The following KIF21A variants were observed in gnomAD, a reference collection of about 807,000 sequenced individuals.
KIF21A encodes the protein kinesin-like protein KIF21A.
A neutral mutation model predicts 202.9 loss-of-function variants in KIF21A; 114 were observed. The observed-to-expected ratio is 0.56, with a 90% confidence interval of 0.48 to 0.66. KIF21A has a LOEUF of 0.66. Ranked by LOEUF, KIF21A falls within the 30% of genes least tolerant of loss-of-function variation. The probability of loss-of-function intolerance (pLI) is 0.00; values close to 1 mark genes in which losing one functional copy is unlikely to be tolerated. For missense variants in KIF21A, 1,677 were observed against 1,994.9 expected, an observed-to-expected ratio of 0.84 and a Z score of 3.04; for synonymous variants, 667 against 670.8, an observed-to-expected ratio of 0.99 and a Z score of 0.09.
At chr12:39,301,811 T>G (rs1376932014) in intron 36 of KIF21A, 132 bp from the exon 37 acceptor site, 3 of 784,488 alleles carry the variant, frequency 3.8e-6, no homozygotes, top group Non-Finnish European at 6.4e-6. Context: ...GTTTATTTTC[T>G]ATGCAATCAC....
At chr12:39,345,140 T>C (rs542192320) in intron 12 of KIF21A, among the ~76,000 whole-genome samples, 2 of 152,316 alleles carry the variant, frequency 1.3e-5, no homozygotes, top group Admixed American at 1.3e-4. Flanking sequence ...GAGAAGTTGT[T>C]CTGTAACCAC....
At chr12:39,436,449 T>TATATATATATA (rs1491365902) in intron 1 of KIF21A, among the ~76,000 whole-genome samples, 38 of 86,816 alleles carry the variant, frequency 4.4e-4, no homozygotes, top group African/African-American at 2.0e-3. Context: ...TATATATATA[T>TATATATATATA]TTTTTTTTTT....
At chr12:39,418,469 T>G (rs748211253) in intron 1 of KIF21A, among the ~76,000 whole-genome samples, 1 of 152,220 alleles carries the variant, frequency 6.6e-6, no homozygotes, top group Non-Finnish European at 1.5e-5. Flanking sequence ...TTCCTAGAAT[T>G]TTCTGAGTTC....
At chr12:39,355,531 T>G (rs1948703009) in intron 10 of KIF21A, among the ~76,000 whole-genome samples, 2 of 147,992 alleles carry the variant, frequency 1.4e-5, no homozygotes, top group African/African-American at 5.0e-5. Flanking sequence ...TCTCAAGGAG[T>G]GGTAAAGATG....
At chr12:39,375,309 G>T (rs967785478) in intron 1 of KIF21A, among the ~76,000 whole-genome samples, 1 of 152,124 alleles carries the variant, frequency 6.6e-6, no homozygotes, top group Admixed American at 6.5e-5. Context: ...GCAAAACTGA[G>T]TTTATACATT....
At chr12:39,398,389 C>T (rs1284716291) in intron 1 of KIF21A, among the ~76,000 whole-genome samples, 1 of 152,122 alleles carries the variant, frequency 6.6e-6, no homozygotes, top group Non-Finnish European at 1.5e-5. Context: ...CACTTGAGCT[C>T]AGGAGTTTGA....
intron 1 of KIF21A, among the ~76,000 whole-genome samples, chr12:39,433,725 G>A (rs886251381): frequency 1.3e-5 from 2 of 152,052 alleles, no homozygotes; most frequent in African/African-American, 4.8e-5. Context: ...GAAAAAGAAA[G>A]AATAAAAATA....
rs1305521189 is a variant in KIF21A at position 39,331,787 on chromosome 12, T to C, written c.3056A>G (p.Glu1019Gly). The C allele has an allele frequency of 6.2e-7, 1 of 1,608,064 alleles. No individual in the cohort carries two copies. Residue 1019 changes from glutamate to glycine, a missense_variant, in exon 22 of 38, where the codon GAA becomes GGA. Transcript: ENST00000361418. The part of the protein sequence containing the change: ...NIMQMEEAKE[E>G]GETLDVTAVI... ...TGCAGTAACATCCAATGTCTCACCT[T>C]CTTCCTGTATAAAATCAGCATAATA...
At chr12:39,396,866 T>A (rs2139769298) in intron 1 of KIF21A, among the ~76,000 whole-genome samples, 1 of 152,282 alleles carries the variant, frequency 6.6e-6, no homozygotes, top group Non-Finnish European at 1.5e-5. Context: ...CCAACACTGC[T>A]CTGCAATAAA....
intron 1 of KIF21A, among the ~76,000 whole-genome samples, chr12:39,436,448 A>ATATATATATATATATATATTT (rs1387332677): frequency 2.1e-4 from 20 of 95,744 alleles, no homozygotes; most frequent in African/African-American, 9.1e-4. Context: ...ATATATATAT[A>ATATATATATATATATATATTT]TTTTTTTTTT....
At chr12:39,307,992 C>G (rs894074184) in intron 33 of KIF21A, among the ~76,000 whole-genome samples, 4 of 151,914 alleles carry the variant, frequency 2.6e-5, no homozygotes, top group African/African-American at 9.7e-5. Context: ...ACTTGGTATA[C>G]TAGTAATTCC....
In KIF21A at chr12:39,367,212, T is replaced by C. The variant is rs189843858; in HGVS notation, c.601-48A>G. The stretch of plus-strand genomic sequence containing the variant: ...GACTTTACTTGAACAATAAACAAGA[T>C]ACTATACAATCCAAAGTCTGAGGTA... On this transcript the variant is annotated intron_variant, in intron 4 of 37. Coordinates refer to ENST00000361418, the MANE Select transcript of KIF21A (RefSeq NM_001173464.2). 5.6e-3 allele frequency: 8,980 copies of C among 1,601,214 alleles called. 44 individuals are homozygous for C. Among genetic ancestry groups the C allele is most frequent in the Non-Finnish European group, 6.8e-3 (7,997 of 1,168,704 alleles).
At chr12:39,318,968 G>C (rs944275313) in intron 28 of KIF21A, among the ~76,000 whole-genome samples, 18 of 149,716 alleles carry the variant, frequency 1.2e-4, no homozygotes, top group Non-Finnish European at 4.4e-5. Context: ...GCAACAGAGC[G>C]AGACTCCGTC....
chr12:39,397,361 A>G (rs191704436), intron 1 of KIF21A, among the ~76,000 whole-genome samples: 1 of 152,306 alleles, frequency 6.6e-6, no homozygotes, highest in Admixed American at 6.5e-5. Flanking sequence ...AGTGAAACAC[A>G]TATCAGGATA....
intron 1 of KIF21A, among the ~76,000 whole-genome samples, chr12:39,397,250 T>G (rs1951824249): frequency 6.6e-6 from 1 of 152,218 alleles, no homozygotes; most frequent in Non-Finnish European, 1.5e-5. Flanking sequence ...TAGCATAATG[T>G]TTGTGTTCAA....
At chr12:39,297,696 C>T (rs915968161) in intron 37 of KIF21A, among the ~76,000 whole-genome samples, 1 of 151,006 alleles carries the variant, frequency 6.6e-6, no homozygotes, top group Non-Finnish European at 1.5e-5. Flanking sequence ...TGTAACTAAC[C>T]TGCACATTGT....
intron 28 of KIF21A, among the ~76,000 whole-genome samples, chr12:39,318,788 G>T: frequency 6.6e-6 from 1 of 152,092 alleles, no homozygotes. Context: ...AGAGCATCCT[G>T]GCTAACATGG....
At chr12:39,323,006 C>CAGAGATTTATATGAGATTGAAATAGGT in intron 26 of KIF21A, 124 bp from the exon 27 acceptor site, 2 of 584,500 alleles carry the variant, frequency 3.4e-6, no homozygotes, top group Non-Finnish European at 5.3e-6. Flanking sequence ...CCTAGGTGTG[C>CAGAGATTTATATGAGATTGAAATAGGT]CAAACATAGC....
chr12:39,420,695 G>C (rs1317105611), intron 1 of KIF21A, among the ~76,000 whole-genome samples: 1 of 151,910 alleles, frequency 6.6e-6, no homozygotes, highest in African/African-American at 2.4e-5. Context: ...TTTTGGTTTA[G>C]ATTAGGCAGT....
Sources: allele counts gnomAD v4.1 joint callset (sites outside exome capture counted in the v4.1 genomes callset), GRCh38; gene constraint gnomAD v4.1.1; transcripts MANE v1.5; gene names NCBI Gene and HGNC (gene_info 2026-07-23, HGNC 2026-07-21).